SAMD8: variants seen among roughly 807,000 people sequenced by gnomAD.
SAMD8 encodes sterile alpha motif domain containing 8.
A neutral mutation model predicts 42.0 loss-of-function variants in SAMD8; 20 were observed. The observed-to-expected ratio is 0.48, with a 90% CI of 0.34 to 0.69. The LOEUF (loss-of-function observed/expected upper bound fraction) is 0.69. SAMD8 is among the 30% of genes least tolerant of loss of function. SAMD8 has a pLI of 0.01. For synonymous variants in SAMD8, 162 were observed against 173.0 expected (o/e 0.94, Z 0.50); for missense variants, 328 against 511.6 (o/e 0.64, Z 3.46).
intron 2 of SAMD8, among the ~76,000 whole-genome samples, chr10:75,161,277 T>G (rs1179487938): frequency 6.6e-6 from 1 of 152,258 alleles, no homozygotes; most frequent in Middle Eastern, 3.4e-3. Flanking sequence ...GTAGCCAGAC[T>G]TATTTCTCAT....
intron 2 of SAMD8, among the ~76,000 whole-genome samples, chr10:75,155,709 A>G (rs1249322547): frequency 6.6e-6 from 1 of 152,222 alleles, no homozygotes; most frequent in Non-Finnish European, 1.5e-5. Flanking sequence ...ATTTGTTGTG[A>G]CATTGTTTGT....
intron 1 of SAMD8, among the ~76,000 whole-genome samples, chr10:75,143,673 T>G (rs1400862435): frequency 6.6e-6 from 1 of 152,200 alleles, no homozygotes; most frequent in East Asian, 1.9e-4. Context: ...TTTTCTCTTT[T>G]TGCTTTTAAG....
At chr10:75,169,532 A>G (rs1320029384) in intron 4 of SAMD8, among the ~76,000 whole-genome samples, 1 of 152,030 alleles carries the variant, frequency 6.6e-6, no homozygotes, top group African/African-American at 2.4e-5. Context: ...TCTTTCAATT[A>G]TCATTTTCCC....
chr10:75,118,257 G>C (rs1848929600), intron 1 of SAMD8, among the ~76,000 whole-genome samples: 1 of 152,202 alleles, frequency 6.6e-6, no homozygotes. Context: ...TTTCAAAATG[G>C]ATGGTAGGAG....
chr10:75,112,601 A>G (rs146747144), intron 1 of SAMD8, among the ~76,000 whole-genome samples: 1 of 152,288 alleles, frequency 6.6e-6, no homozygotes, highest in East Asian at 1.9e-4. Context: ...GAAAATGAAG[A>G]TATCATTTGG....
intron 1 of SAMD8, among the ~76,000 whole-genome samples, chr10:75,144,659 CT>C (rs1385707412): frequency 1.3e-5 from 2 of 151,518 alleles, no homozygotes; most frequent in African/African-American, 4.9e-5. Context: ...AGTTTCTTTT[CT>C]TTTCATTGTT....
upstream of SAMD8, among the ~76,000 whole-genome samples, chr10:75,109,818 T>TTTTGTTTTGTTTTGTTTTGTTTTG (rs1554856164): frequency 8.8e-4 from 132 of 150,198 alleles, 1 homozygote; most frequent in African/African-American, 3.1e-3. Flanking sequence ...AAGGTGTTTT[T>TTTTGTTTTGTTTTGTTTTGTTTTG]TTTTGTTTTG....
At chr10:75,106,012 G>A in intron 1 of SAMD8, 1 of 723,948 alleles carries the variant, frequency 1.4e-6, no homozygotes, top group East Asian at 2.7e-5. Flanking sequence ...ATGGACCTCA[G>A]TTTCCTGATC....
intron 1 of SAMD8, among the ~76,000 whole-genome samples, chr10:75,102,678 C>T (rs562496419): frequency 3.3e-5 from 5 of 152,046 alleles, no homozygotes; most frequent in South Asian, 2.1e-4. Flanking sequence ...TTGGGCTGGT[C>T]GCGGTGGCTC....
chr10:75,151,078 C>A lies in SAMD8; in HGVS notation c.550C>A (p.Pro184Thr). ...HERVPDMQTY[P>T]PLPDIFLDSV... Reference sequence around the variant, plus strand: ...GCGAGTGCCTGACATGCAGACCTATCCACCACTCCCAGATATATTCTTAGA... The same window carrying A: ...GCGAGTGCCTGACATGCAGACCTATACACCACTCCCAGATATATTCTTAGA... The change falls in exon 2 of 6, where the codon CCA becomes ACA. Residue 184 changes from proline to threonine, a missense_variant. By Grantham distance (38) the Pro-to-Thr change is conservative (BLOSUM62 -1). Transcript: ENST00000542569. 6.5e-7 allele frequency: 1 copy of A among 1,537,224 alleles called. No homozygotes were observed. Among genetic ancestry groups the A allele is most frequent in the Non-Finnish European group, 8.8e-7 (1 of 1,142,678 alleles).
intron 4 of SAMD8, among the ~76,000 whole-genome samples, chr10:75,171,304 C>CTA (rs1840859937): frequency 6.6e-6 from 1 of 150,738 alleles, no homozygotes; most frequent in Admixed American, 6.6e-5. Flanking sequence ...GTAGCTGGGA[C>CTA]TACAGGCGCC....
chr10:75,170,626 TTA>T (rs2132211304), intron 4 of SAMD8, among the ~76,000 whole-genome samples: 1 of 151,838 alleles, frequency 6.6e-6, no homozygotes, highest in East Asian at 1.9e-4. Context: ...AAAATTCAAA[TTA>T]TATAGAAATG....
rs1209350381 is a variant in SAMD8, at chr10:75,177,072, G to C, written c.*380G>C. On this transcript the variant is annotated 3_prime_UTR_variant, in exon 6 of 6. Transcript: ENST00000542569. Reference sequence around the variant, plus strand: ...TAGGGCTCTAGTCAAGAAATAATATGTTTTGAAGCTCCTTATTACCTTTAG... The same window carrying C: ...TAGGGCTCTAGTCAAGAAATAATATCTTTTGAAGCTCCTTATTACCTTTAG... 5 of 165,898 alleles carry C rather than the reference G, an allele frequency of 3.0e-5. No individual in the cohort carries two copies. Among genetic ancestry groups the C allele is most frequent in the African/African-American group, 9.6e-5 (4 of 41,758 alleles). The allele number at this position is 165,898 out of a possible 1,614,324, so 10.3% of individuals were successfully genotyped here.
At chr10:75,156,698 A>T (rs886324736) in intron 2 of SAMD8, among the ~76,000 whole-genome samples, 24 of 152,198 alleles carry the variant, frequency 1.6e-4, no homozygotes, top group African/African-American at 5.8e-4. Flanking sequence ...CAAATCCAGA[A>T]CATGGAACAT....
chr10:75,172,850 T>A (rs1589980167), intron 4 of SAMD8, among the ~76,000 whole-genome samples: 1 of 152,212 alleles, frequency 6.6e-6, no homozygotes, highest in South Asian at 2.1e-4. Flanking sequence ...CTCAGGCTGG[T>A]CTCGAGCTCC....
chr10:75,140,351 C>T (rs189295587), intron 1 of SAMD8, among the ~76,000 whole-genome samples: 5 of 152,188 alleles, frequency 3.3e-5, no homozygotes, highest in Admixed American at 1.3e-4. Context: ...GTGATCCACC[C>T]GCCTCTGCCT....
chr10:75,101,838 C>T (rs748726461), intron 1 of SAMD8: 17 of 1,290,538 alleles, frequency 1.3e-5, no homozygotes, highest in Non-Finnish European at 1.6e-5. Context: ...CCACATCCTA[C>T]CCCCCCCAAA....
intron 4 of SAMD8, among the ~76,000 whole-genome samples, chr10:75,171,918 C>T (rs559518637): frequency 6.6e-6 from 1 of 151,622 alleles, no homozygotes; most frequent in African/African-American, 2.4e-5. Flanking sequence ...CCCAGCTACT[C>T]GGGAGGCTGA....
intron 1 of SAMD8, among the ~76,000 whole-genome samples, chr10:75,132,571 A>G (rs1849296368): frequency 6.6e-6 from 1 of 152,244 alleles, no homozygotes; most frequent in Non-Finnish European, 1.5e-5. Context: ...ATTTATGGAT[A>G]TAAAACTCCC....
Sources: gnomAD v4.1 joint callset for allele counts (sites outside exome capture counted in the v4.1 genomes callset) on GRCh38, gnomAD v4.1.1 for gene constraint, MANE v1.5 for transcripts, NCBI Gene and HGNC (gene_info 2026-07-23, HGNC 2026-07-21) for gene names.